Variants in TRIO observed in about 807,000 individuals in gnomAD.
TRIO encodes trio Rho guanine nucleotide exchange factor.
In TRIO, 58 loss-of-function variants were observed where a neutral mutation model predicts 351.9. The ratio of observed to expected loss-of-function variants is 0.16; its 90% confidence interval spans 0.13 to 0.21. The LOEUF is 0.21. Among genes scored for constraint, TRIO ranks in the 10% least tolerant of loss-of-function variants. The probability of loss-of-function intolerance (pLI) is 1.00; values close to 1 mark genes in which losing one functional copy is unlikely to be tolerated. For synonymous variants in TRIO, 1,758 were observed against 1,595.7 expected (o/e 1.10, Z -2.42); for missense variants, 3,201 against 4,027.8 (o/e 0.79, Z 5.56).
At chr5:14,252,759 C>T (rs990656024) in intron 1 of TRIO, among the ~76,000 whole-genome samples, 8 of 152,164 alleles carry the variant, frequency 5.3e-5, no homozygotes, top group Non-Finnish European at 1.2e-4. Flanking sequence ...AGCCTGGCCC[C>T]GAGCCTTCTG....
At chr5:14,242,788 A>G (rs1400328743) in intron 1 of TRIO, among the ~76,000 whole-genome samples, 1 of 152,204 alleles carries the variant, frequency 6.6e-6, no homozygotes, top group Non-Finnish European at 1.5e-5. Flanking sequence ...TGTGTTGTTC[A>G]GGCTATTCGG....
At chr5:14,410,510 C>G (rs1170625755) in intron 33 of TRIO, among the ~76,000 whole-genome samples, 2 of 152,216 alleles carry the variant, frequency 1.3e-5, no homozygotes, top group African/African-American at 2.4e-5. Context: ...TCTTTCTGCC[C>G]TACGTAGTTT....
chr5:14,442,373 C>T (rs1012483769), intron 34 of TRIO, among the ~76,000 whole-genome samples: 10 of 151,810 alleles, frequency 6.6e-5, no homozygotes, highest in African/African-American at 2.4e-4. Context: ...AGGGATCCCC[C>T]AAAGAAAGGG....
rs1740839122 is a variant in TRIO, at chr5:14,330,810, A to G, written c.1764A>G (p.Ala588=). ...ACTGGATCGAGAACCACGGAGAAGC[A>G]TTTCTGAGCAAACATACAGGTGTGG... ...VLDWIENHGE[A]FLSKHTGVGK... The change falls in exon 10 of 57, where the codon GCA becomes GCG. Residue 588 remains alanine (A), a synonymous_variant. Coordinates refer to ENST00000344204, the MANE Select transcript of TRIO (RefSeq NM_007118.4). The G allele has an allele frequency of 6.2e-7, 1 of 1,614,062 alleles. No individual in the cohort carries two copies. Among genetic ancestry groups the G allele is most frequent in the South Asian group, 1.1e-5 (1 of 91,092 alleles).
At chr5:14,183,112 AG>A (rs1427957108) in intron 1 of TRIO, among the ~76,000 whole-genome samples, 2 of 152,082 alleles carry the variant, frequency 1.3e-5, no homozygotes, top group Non-Finnish European at 2.9e-5. Flanking sequence ...AGGGTTCAGA[AG>A]GATGCCTGTT....
At chr5:14,482,853 A>C in intron 46 of TRIO, 80 bp downstream of exon 46, 2 of 1,272,282 alleles carry the variant, frequency 1.6e-6, no homozygotes, top group Non-Finnish European at 2.1e-6. Flanking sequence ...TTTAATGATG[A>C]CATACCCTGA....
chr5:14,243,601 TA>T (rs939921628), intron 1 of TRIO, among the ~76,000 whole-genome samples: 2 of 151,470 alleles, frequency 1.3e-5, no homozygotes, highest in African/African-American at 2.4e-5. Context: ...TATTCTGGAC[TA>T]AAAAAAAATT....
intron 41 of TRIO, among the ~76,000 whole-genome samples, chr5:14,478,492 G>A (rs6882373): frequency 0.078 from 11,820 of 152,196 alleles, 490 homozygotes; most frequent in Middle Eastern, 0.14. Context: ...TCTGCACACT[G>A]TACTTTGAGG....
intron 1 of TRIO, among the ~76,000 whole-genome samples, chr5:14,165,271 T>A (rs1373796468): frequency 6.6e-6 from 1 of 152,208 alleles, no homozygotes; most frequent in Non-Finnish European, 1.5e-5. Flanking sequence ...ACCGACACCC[T>A]CACCCTCTGG....
chr5:14,185,269 G>A (rs1049391783), intron 1 of TRIO, among the ~76,000 whole-genome samples: 1 of 151,586 alleles, frequency 6.6e-6, no homozygotes, highest in Non-Finnish European at 1.5e-5. Flanking sequence ...GATTACAGAA[G>A]CACTTGGTCC....
intron 39 of TRIO, 134 bp downstream of exon 39, chr5:14,472,792 T>C: frequency 1.1e-6 from 1 of 931,610 alleles, no homozygotes; most frequent in Non-Finnish European, 1.6e-6. Flanking sequence ...TGACCAACGA[T>C]GTATTTCCGA....
chr5:14,303,830 G>T (rs576439080), intron 7 of TRIO, among the ~76,000 whole-genome samples: 1 of 152,186 alleles, frequency 6.6e-6, no homozygotes, highest in Non-Finnish European at 1.5e-5. Flanking sequence ...GCCTCCTTAA[G>T]CCTTTCCTAA....
At chr5:14,347,690 G>T (rs1474191013) in intron 11 of TRIO, among the ~76,000 whole-genome samples, 3 of 152,266 alleles carry the variant, frequency 2.0e-5, no homozygotes, top group Non-Finnish European at 4.4e-5. Flanking sequence ...GAGACTGTCA[G>T]TGCAGAGGTT....
chr5:14,366,241 T>G (rs751575802), intron 15 of TRIO, among the ~76,000 whole-genome samples: 1 of 152,144 alleles, frequency 6.6e-6, no homozygotes, highest in African/African-American at 2.4e-5. Flanking sequence ...ATAGGTTACT[T>G]GAGGTCACTG....
intron 9 of TRIO, among the ~76,000 whole-genome samples, chr5:14,319,125 C>CT (rs1309532335): frequency 2.0e-5 from 3 of 152,198 alleles, no homozygotes; most frequent in Non-Finnish European, 2.9e-5. Context: ...TTTAAGCTAG[C>CT]TTTTTTTCCC....
intron 34 of TRIO, among the ~76,000 whole-genome samples, chr5:14,459,738 AAAAAC>A (rs555121475): frequency 7.4e-4 from 112 of 152,242 alleles, no homozygotes; most frequent in African/African-American, 2.5e-3. Context: ...ACTCCATCTG[AAAAAC>A]AAAACAAAGA....
intron 34 of TRIO, among the ~76,000 whole-genome samples, chr5:14,427,466 C>T (rs1750742536): frequency 6.6e-6 from 1 of 152,242 alleles, no homozygotes; most frequent in Non-Finnish European, 1.5e-5. Flanking sequence ...CAGCCAACCC[C>T]AGCACGGGGG....
chr5:14,248,674 G>A (rs977101637), intron 1 of TRIO, among the ~76,000 whole-genome samples: 8 of 152,136 alleles, frequency 5.3e-5, no homozygotes, highest in African/African-American at 1.9e-4. Flanking sequence ...ATCCTCCCTC[G>A]CTGTCAGGAA....
intron 54 of TRIO, among the ~76,000 whole-genome samples, chr5:14,503,509 T>A (rs992032894): frequency 2.0e-5 from 3 of 152,202 alleles, no homozygotes; most frequent in African/African-American, 7.2e-5. Context: ...CCATGCCCCA[T>A]GCGTGTCAGA....
Sources: gnomAD v4.1 joint callset for allele counts (sites outside exome capture counted in the v4.1 genomes callset) on GRCh38, gnomAD v4.1.1 for gene constraint, MANE v1.5 for transcripts, NCBI Gene and HGNC (gene_info 2026-07-23, HGNC 2026-07-21) for gene names.